Variants in PDE11A observed in about 807,000 individuals in gnomAD.
The protein encoded by PDE11A is dual 3',5'-cyclic-AMP and -GMP phosphodiesterase 11A.
In PDE11A, 100 loss-of-function variants were observed where a neutral mutation model predicts 100.5. The observed-to-expected ratio is 1.00, with a 90% CI of 0.85 to 1.18. PDE11A has a LOEUF of 1.18. Ranked by LOEUF, PDE11A falls within the 50% of genes most tolerant of loss-of-function variation. The pLI is 0.00. For missense variants in PDE11A, 1,141 were observed against 1,152.6 expected (o/e 0.99, Z 0.15); for synonymous variants, 381 against 420.8 (o/e 0.91, Z 1.16).
intron 19 of PDE11A, among the ~76,000 whole-genome samples, chr2:177,642,804 G>A (rs1416477494): frequency 6.6e-6 from 1 of 152,142 alleles, no homozygotes; most frequent in African/African-American, 2.4e-5. Context: ...CTAGGTTTTA[G>A]ACGTGACATG....
chr2:177,640,980 C>T (rs2080133360), intron 19 of PDE11A, among the ~76,000 whole-genome samples: 1 of 152,200 alleles, frequency 6.6e-6, no homozygotes, highest in Non-Finnish European at 1.5e-5. Context: ...GCCATTTCCA[C>T]AACCCTGGTT....
At chr2:178,067,699 C>T (rs926966379) in intron 1 of PDE11A, among the ~76,000 whole-genome samples, 2 of 152,140 alleles carry the variant, frequency 1.3e-5, no homozygotes, top group East Asian at 1.9e-4. Flanking sequence ...CAGCTTGGTA[C>T]TAGTTTTTTG....
intron 1 of PDE11A, among the ~76,000 whole-genome samples, chr2:178,045,655 CAGTAGT>C (rs926060715): frequency 3.9e-5 from 6 of 152,070 alleles, no homozygotes; most frequent in African/African-American, 7.2e-5. Flanking sequence ...TCACTACTGT[CAGTAGT>C]AGTAGTAGTA....
chr2:177,790,476 A>T (rs1371060214), intron 9 of PDE11A, among the ~76,000 whole-genome samples: 24 of 151,760 alleles, frequency 1.6e-4, no homozygotes, highest in Middle Eastern at 3.4e-3. Flanking sequence ...GACATAGGCA[A>T]GGGCAAGGAC....
chr2:177,997,582 A>AC (rs34138453), intron 2 of PDE11A: 62,968 of 924,416 alleles, frequency 0.068, 2,630 homozygotes, highest in South Asian at 0.092. Flanking sequence ...CACCTGTTTC[A>AC]CCTGGAGAGC....
At chr2:177,741,074 T>A (rs1024801005) in intron 10 of PDE11A, among the ~76,000 whole-genome samples, 3 of 152,192 alleles carry the variant, frequency 2.0e-5, no homozygotes, top group Non-Finnish European at 4.4e-5. Context: ...CAGTGCCAGG[T>A]TCATAGGAGG....
At chr2:177,920,136 C>T (rs2085019382) in intron 2 of PDE11A, among the ~76,000 whole-genome samples, 1 of 151,930 alleles carries the variant, frequency 6.6e-6, no homozygotes, top group South Asian at 2.1e-4. Flanking sequence ...ATATGGTAAA[C>T]ATTTACATAG....
chr2:177,697,003 C>A (rs373478490), intron 15 of PDE11A, among the ~76,000 whole-genome samples: 1 of 152,184 alleles, frequency 6.6e-6, no homozygotes, highest in African/African-American at 2.4e-5. Flanking sequence ...CATTATACAG[C>A]TGACCAGAAG....
intron 1 of PDE11A, among the ~76,000 whole-genome samples, chr2:178,049,879 C>T (rs2086799663): frequency 6.6e-6 from 1 of 152,160 alleles, no homozygotes; most frequent in African/African-American, 2.4e-5. Flanking sequence ...GAGCCCACCG[C>T]AGCTCAAGGA....
In PDE11A at chr2:177,631,304, A is replaced by C. The variant is rs113917420; in HGVS notation, c.2647-1742T>G. 9.4e-5 allele frequency among the ~76,000 whole-genome samples: 12 copies of C among 128,072 alleles called. 1 individual carries two copies. The highest frequency in any genetic ancestry group is 2.6e-4 in the African/African-American group (7 of 26,622). The allele number at this position is 128,072 out of a possible 152,430, so 84.0% of individuals were successfully genotyped here. ...CTACTAAAAATGCAAAAAAAAAAAA[A>C]AAAAAACAAAAAAAAAAACAACCTA... On this transcript the variant is annotated intron_variant, in intron 19 of 19. Transcript: ENST00000286063.
At chr2:178,105,748 C>T in intron 1 of PDE11A, 1 of 1,122,718 alleles carries the variant, frequency 8.9e-7, no homozygotes, top group Non-Finnish European at 1.2e-6. Context: ...TATCACCTCA[C>T]AGCTCTGAGC....
intron 15 of PDE11A, among the ~76,000 whole-genome samples, chr2:177,692,798 A>G (rs2081059233): frequency 6.6e-6 from 1 of 152,220 alleles, no homozygotes; most frequent in Non-Finnish European, 1.5e-5. Flanking sequence ...ATAGAATCCC[A>G]AGGACACACA....
At chr2:177,702,324 A>T (rs2105543450) in intron 13 of PDE11A, among the ~76,000 whole-genome samples, 1 of 152,202 alleles carries the variant, frequency 6.6e-6, no homozygotes, top group East Asian at 1.9e-4. Context: ...CAAAAAAAAA[A>T]AAAAAGTTCA....
chr2:177,940,724 A>T (rs1039449035), intron 2 of PDE11A, among the ~76,000 whole-genome samples: 4 of 152,212 alleles, frequency 2.6e-5, no homozygotes, highest in African/African-American at 7.2e-5. Context: ...CTGTCAAATA[A>T]ATTTAAAAAT....
intron 1 of PDE11A, among the ~76,000 whole-genome samples, chr2:178,018,973 T>C (rs923561478): frequency 2.0e-5 from 3 of 152,244 alleles, no homozygotes; most frequent in Non-Finnish European, 4.4e-5. Flanking sequence ...AAACATTATA[T>C]ATGAGCTTTT....
At chr2:178,034,946 A>G (rs1321540722) in intron 1 of PDE11A, among the ~76,000 whole-genome samples, 1 of 152,204 alleles carries the variant, frequency 6.6e-6, no homozygotes, top group Non-Finnish European at 1.5e-5. Flanking sequence ...TCGGCACCCT[A>G]ACATCACAAT....
chr2:177,653,269 T>C (rs2080335365), intron 19 of PDE11A, among the ~76,000 whole-genome samples: 1 of 152,224 alleles, frequency 6.6e-6, no homozygotes, highest in African/African-American at 2.4e-5. Context: ...ATTTCAGCCA[T>C]GGATTCTCTC....
At chr2:177,717,425 C>G (rs1167821471) in intron 12 of PDE11A, among the ~76,000 whole-genome samples, 1 of 152,054 alleles carries the variant, frequency 6.6e-6, no homozygotes, top group Non-Finnish European at 1.5e-5. Flanking sequence ...AGAGAGGCGG[C>G]AGGAAGTATA....
intron 3 of PDE11A, among the ~76,000 whole-genome samples, chr2:177,903,671 A>T (rs1443461775): frequency 6.6e-6 from 1 of 152,232 alleles, no homozygotes; most frequent in African/African-American, 2.4e-5. Context: ...GAATAGTGGC[A>T]GTAGATACAA....
Sources: allele counts gnomAD v4.1 joint callset (sites outside exome capture counted in the v4.1 genomes callset), GRCh38; gene constraint gnomAD v4.1.1; transcripts MANE v1.5; gene names NCBI Gene and HGNC (gene_info 2026-07-23, HGNC 2026-07-21).